Variants in EMC3 observed in about 807,000 individuals in gnomAD.
EMC3 encodes the protein 30 kDa protein.
A neutral mutation model predicts 36.6 loss-of-function variants in EMC3; 13 were observed. The ratio of observed to expected loss-of-function variants is 0.35; its 90% CI spans 0.23 to 0.56. The LOEUF is 0.56. Ranked by LOEUF, EMC3 falls within the 20% of genes least tolerant of loss-of-function variation. The pLI is 0.84. For missense variants in EMC3, 220 were observed against 324.5 expected, an observed-to-expected ratio of 0.68 and a Z score of 2.47; for synonymous variants, 120 against 111.9, an observed-to-expected ratio of 1.07 and a Z score of -0.46.
chr3:9,987,085 G>T (rs561198992), upstream of EMC3: 6 of 846,864 alleles, frequency 7.1e-6, no homozygotes, highest in African/African-American at 1.1e-4. Context: ...CGTGGTGGAG[G>T]CGCCTGTAGT....
At chr3:9,972,172 G>A (rs1282571521) in intron 5 of EMC3, among the ~76,000 whole-genome samples, 2 of 151,854 alleles carry the variant, frequency 1.3e-5, no homozygotes, top group East Asian at 1.9e-4. Flanking sequence ...TATGGAAAAC[G>A]CTAAGCCCAG....
chr3:9,986,775 C>T lies in EMC3; in HGVS notation c.-114G>A, dbSNP rs1041736122. ...TTCTCAAGCCCCTTTGCCCGTGTACCCCAGAACTCTCCTGCGACTGTGAGC... is the reference window on the plus strand; with the variant it reads ...TTCTCAAGCCCCTTTGCCCGTGTACTCCAGAACTCTCCTGCGACTGTGAGC... On this transcript the variant is annotated 5_prime_UTR_variant, in exon 1 of 8. Transcript: ENST00000245046. 3.8e-5 allele frequency: 58 copies of T among 1,514,208 alleles called. No individual in the cohort carries two copies. Among genetic ancestry groups the T allele is most frequent in the Non-Finnish European group, 1.3e-5 (15 of 1,132,246 alleles). 93.8% of individuals were successfully genotyped at this position (1,514,208 alleles called of 1,614,324 possible).
chr3:9,998,063 C>G (rs1172483633), intron 1 of EMC3, among the ~76,000 whole-genome samples: 1 of 151,926 alleles, frequency 6.6e-6, no homozygotes, highest in Non-Finnish European at 1.5e-5. Context: ...CATTTATTTT[C>G]CTTTCTTAAA....
chr3:9,964,264 T>C, intron 7 of EMC3, 67 bp from the exon 8 acceptor site: 2 of 1,586,356 alleles, frequency 1.3e-6, no homozygotes, highest in Non-Finnish European at 1.7e-6. Flanking sequence ...GGCTAACCTT[T>C]AGTGACCACT....
chr3:9,995,216 A>G (rs562639297), intron 1 of EMC3, among the ~76,000 whole-genome samples: 15 of 151,976 alleles, frequency 9.9e-5, no homozygotes, highest in African/African-American at 3.4e-4. Flanking sequence ...TTTGCTTGGA[A>G]ACATGCAAAT....
chr3:9,998,375 TAATAATA>T (rs906261025), intron 1 of EMC3, among the ~76,000 whole-genome samples: 5 of 140,554 alleles, frequency 3.6e-5, no homozygotes, highest in Non-Finnish European at 7.5e-5. Context: ...CAAATAATAA[TAATAATA>T]ATAATAATAA....
intron 1 of EMC3, chr3:10,003,890 C>G (rs1349242915): frequency 6.5e-6 from 1 of 154,434 alleles, no homozygotes; most frequent in African/African-American, 2.4e-5. Flanking sequence ...TGCGCAGAGA[C>G]CTGAACCCAG....
chr3:9,972,448 A>G (rs1323187500), intron 5 of EMC3, among the ~76,000 whole-genome samples: 1 of 140,590 alleles, frequency 7.1e-6, no homozygotes, highest in Non-Finnish European at 1.5e-5. Flanking sequence ...TGGCATTTTC[A>G]GTGGAGTTTC....
upstream of EMC3, among the ~76,000 whole-genome samples, chr3:9,987,487 TAGTCC>T (rs1170889440): frequency 1.3e-5 from 2 of 152,044 alleles, no homozygotes; most frequent in African/African-American, 4.8e-5. Flanking sequence ...CCCGATGAAC[TAGTCC>T]AGGCAGTCGG....
At chr3:9,987,796 A>G (rs759052085), upstream of EMC3, 16 of 516,232 alleles carry the variant, frequency 3.1e-5, no homozygotes, top group Non-Finnish European at 5.7e-5. Flanking sequence ...TCCAACGTTT[A>G]AAATTTTTTC....
At chr3:10,007,118 T>C in intron 1 of EMC3, 2 of 329,806 alleles carry the variant, frequency 6.1e-6, no homozygotes, top group South Asian at 5.3e-5. Context: ...CAGTCAAGGA[T>C]TCCTGTCAGT....
chr3:9,979,628 G>A (rs1046060165), intron 1 of EMC3, among the ~76,000 whole-genome samples: 2 of 152,198 alleles, frequency 1.3e-5, no homozygotes, highest in Non-Finnish European at 2.9e-5. Flanking sequence ...AATATCTTAC[G>A]ATGGTCAAAG....
At chr3:9,997,235 C>CTT (rs879325383) in intron 1 of EMC3, among the ~76,000 whole-genome samples, 1 of 144,518 alleles carries the variant, frequency 6.9e-6, no homozygotes, top group South Asian at 2.2e-4. Context: ...TTCCTTCTTT[C>CTT]TTTTTTTTTT....
chr3:9,970,011 A>C (rs1312034035), intron 6 of EMC3, among the ~76,000 whole-genome samples: 1 of 152,214 alleles, frequency 6.6e-6, no homozygotes, highest in Non-Finnish European at 1.5e-5. Flanking sequence ...CACTAAAGGA[A>C]GCTCTAAACT....
At chr3:9,981,337 C>T (rs1463235746) in intron 1 of EMC3, among the ~76,000 whole-genome samples, 3 of 152,204 alleles carry the variant, frequency 2.0e-5, no homozygotes, top group African/African-American at 4.8e-5. Flanking sequence ...CCTACAATTA[C>T]ACTGCTGAAC....
intron 5 of EMC3, among the ~76,000 whole-genome samples, chr3:9,973,184 C>T (rs1228246217): frequency 6.7e-6 from 1 of 149,122 alleles, no homozygotes; most frequent in Non-Finnish European, 1.5e-5. Flanking sequence ...TTTTTGTTTT[C>T]GTTTTTTGTT....
intron 7 of EMC3, among the ~76,000 whole-genome samples, chr3:9,965,102 A>AT (rs1432290179): frequency 6.7e-6 from 1 of 149,266 alleles, no homozygotes; most frequent in African/African-American, 2.5e-5. Flanking sequence ...TTAAAAATAA[A>AT]TTAAAAAAAA....
chr3:9,978,098 C>T (rs552149662), intron 1 of EMC3: 32 of 133,410 alleles, frequency 2.4e-4, no homozygotes, highest in African/African-American at 8.5e-4. Context: ...ATCACTTAAG[C>T]CCAGGAGTCT....
chr3:9,986,466 C>A, intron 1 of EMC3, 41 bp downstream of exon 1: 2 of 1,604,450 alleles, frequency 1.2e-6, no homozygotes, highest in South Asian at 2.2e-5. Context: ...TGCCCAAGGT[C>A]ACGGCGGTGT....
Sources: allele counts gnomAD v4.1 joint callset (sites outside exome capture counted in the v4.1 genomes callset), GRCh38; gene constraint gnomAD v4.1.1; transcripts MANE v1.5; gene names NCBI Gene and HGNC (gene_info 2026-07-23, HGNC 2026-07-21).